The following HCN4 variants were observed in gnomAD, a reference collection of about 807,000 sequenced individuals.
HCN4 encodes the protein hyperpolarization activated cyclic nucleotide gated potassium channel 4.
HCN4 carries 29 observed loss-of-function variants against 76.9 expected under a neutral mutation model. The observed-to-expected ratio is 0.38, with a 90% CI of 0.28 to 0.51. The LOEUF (loss-of-function observed/expected upper bound fraction) is 0.51, where lower values mean the gene tolerates loss of function less well. Among genes scored for constraint, HCN4 ranks in the 20% least tolerant of loss-of-function variants. HCN4 has a pLI of 0.90. For missense variants in HCN4, 1,416 were observed against 1,715.2 expected (o/e 0.83, Z 3.08); for synonymous variants, 772 against 762.5 (o/e 1.01, Z -0.21).
chr15:73,329,215 G>A (rs926729725), intron 4 of HCN4, among the ~76,000 whole-genome samples: 2 of 152,162 alleles, frequency 1.3e-5, no homozygotes, highest in African/African-American at 2.4e-5. Flanking sequence ...GAGCAACACC[G>A]CGAGAGTGCG....
intron 1 of HCN4, among the ~76,000 whole-genome samples, chr15:73,353,594 C>T (rs1252794341): frequency 6.6e-6 from 1 of 152,192 alleles, no homozygotes; most frequent in East Asian, 1.9e-4. Context: ...CTATTACTCC[C>T]CCTCCACACC....
intron 1 of HCN4, among the ~76,000 whole-genome samples, chr15:73,361,443 T>C (rs2043104366): frequency 6.6e-6 from 1 of 152,206 alleles, no homozygotes; most frequent in Non-Finnish European, 1.5e-5. Flanking sequence ...CTGGGAAACG[T>C]GAATTCTTCA....
chr15:73,322,556 A>AG lies in HCN4; in HGVS notation c.3536dup (p.Leu1180SerfsTer14), dbSNP rs1416588482. On this transcript the variant is annotated frameshift_variant, in exon 8 of 8. Transcript: ENST00000261917. LOFTEE classifies it high-confidence loss of function. ...GTTCCCTCTGGGGTCCAGCAGTCAG[A>AG]GGGGGCCCCCCAGAAGAGGTGGCTC... 1.2e-6 allele frequency: 2 copies of AG among 1,607,502 alleles called. No individual in the cohort carries two copies. The highest frequency in any genetic ancestry group is 1.7e-6 in the Non-Finnish European group (2 of 1,177,282).
chr15:73,358,185 G>C (rs1163144589), intron 1 of HCN4, among the ~76,000 whole-genome samples: 2 of 152,164 alleles, frequency 1.3e-5, no homozygotes, highest in Non-Finnish European at 2.9e-5. Context: ...CAGGGCTCTG[G>C]GGCGGGCCGG....
intron 2 of HCN4, among the ~76,000 whole-genome samples, chr15:73,341,735 T>A (rs1268284111): frequency 6.6e-6 from 1 of 151,918 alleles, no homozygotes; most frequent in African/African-American, 2.4e-5. Flanking sequence ...CTTGGGAGAG[T>A]CACGGCCCCT....
Position 73,330,113 on chromosome 15 carries a change from A to G in HCN4, c.1372-322T>C, listed in dbSNP as rs143518929. On this transcript the variant is annotated intron_variant, in intron 3 of 7. Transcript: ENST00000261917. Reference sequence around the variant, plus strand: ...GGTAGCAAAGGCCCCGGGCTGAGCCACCGTGCTGTCCTTCCCTTGCTAAAA... The same window carrying G: ...GGTAGCAAAGGCCCCGGGCTGAGCCGCCGTGCTGTCCTTCCCTTGCTAAAA... Among the ~76,000 whole-genome samples the G allele has an allele frequency of 9.0e-3, 1,370 of 152,288 alleles. 25 individuals carry two copies. Among genetic ancestry groups the G allele is most frequent in the African/African-American group, 0.031 (1,304 of 41,562 alleles).
At chr15:73,346,978 C>T (rs1346687095) in intron 1 of HCN4, among the ~76,000 whole-genome samples, 3 of 152,208 alleles carry the variant, frequency 2.0e-5, no homozygotes, top group African/African-American at 4.8e-5. Context: ...GTGGCAACAG[C>T]TTCTACACTG....
intron 1 of HCN4, among the ~76,000 whole-genome samples, chr15:73,350,621 C>T (rs1567791099): frequency 1.3e-5 from 2 of 152,276 alleles, no homozygotes. Context: ...AAAGCAAAGC[C>T]GCCAGTGTCC....
rs1036928312 is a variant in HCN4, at chr15:73,321,863, G to C, written c.*618C>G. 12 of 157,666 alleles carry C rather than the reference G, an allele frequency of 7.6e-5. No homozygotes were observed. Among genetic ancestry groups the C allele is most frequent in the African/African-American group, 2.9e-4 (12 of 41,466 alleles). The allele number at this position is 157,666 out of a possible 1,614,324, so 9.8% of individuals were successfully genotyped here. Reference sequence around the variant, plus strand: ...ACCGCACACGTGTGCGCACATGTGAGTGGCTATCTACATGGCTCTACAGAG... The same window carrying C: ...ACCGCACACGTGTGCGCACATGTGACTGGCTATCTACATGGCTCTACAGAG... On this transcript the variant is annotated 3_prime_UTR_variant, in exon 8 of 8. Transcript: ENST00000261917.
chr15:73,323,578 A>C lies in HCN4; in HGVS notation c.2515T>G (p.Ser839Ala). ...GACGGGCTGCTGGCGGGCGAGGCGG[A>C]GCCCAGCGCAGAAGGGATCAGGGAC... ...LQSLIPSALG[S>A]ASPASSPSQV... Residue 839 changes from serine to alanine, a missense_variant, in exon 8 of 8, where the codon TCC (serine) becomes GCC (alanine). Physicochemically the swap from Ser to Ala is moderately conservative, Grantham distance 99. Transcript: ENST00000261917. 6.2e-7 allele frequency: 1 copy of C among 1,600,878 alleles called. No homozygotes were observed. Among genetic ancestry groups the C allele is most frequent in the African/African-American group, 1.3e-5 (1 of 75,038 alleles).
intron 4 of HCN4, among the ~76,000 whole-genome samples, chr15:73,327,584 A>T (rs1016473190): frequency 1.4e-4 from 22 of 151,938 alleles, no homozygotes; most frequent in African/African-American, 5.1e-4. Context: ...CCCCAGTCAC[A>T]GGCTGGGTCC....
intron 1 of HCN4, among the ~76,000 whole-genome samples, chr15:73,345,771 T>A (rs1009749933): frequency 4.6e-5 from 7 of 152,138 alleles, no homozygotes; most frequent in African/African-American, 1.7e-4. Context: ...AAAACAAATT[T>A]TTTAACTGTG....
chr15:73,362,764 C>T (rs1325594057), intron 1 of HCN4, among the ~76,000 whole-genome samples: 1 of 152,212 alleles, frequency 6.6e-6, no homozygotes, highest in East Asian at 1.9e-4. Context: ...AAGCTCACAG[C>T]AGCTAAGGGA....
chr15:73,347,238 G>C (rs571898142), intron 1 of HCN4, among the ~76,000 whole-genome samples: 2 of 152,134 alleles, frequency 1.3e-5, no homozygotes, highest in East Asian at 3.9e-4. Context: ...GAGGCTGACA[G>C]AGAAGTGTCT....
At chr15:73,324,649 C>T (rs940015676) in intron 6 of HCN4, among the ~76,000 whole-genome samples, 2 of 152,148 alleles carry the variant, frequency 1.3e-5, no homozygotes, top group African/African-American at 4.8e-5. Flanking sequence ...GAGGACACAG[C>T]GAGAAGTCAG....
intron 2 of HCN4, among the ~76,000 whole-genome samples, chr15:73,334,062 G>A (rs907739758): frequency 3.9e-5 from 6 of 152,222 alleles, no homozygotes; most frequent in African/African-American, 1.4e-4. Context: ...CACACAGCAA[G>A]CTGGGTCCTA....
rs186722050 is a variant in HCN4 at position 73,347,885 on chromosome 15, C to T, written c.786-4077G>A. ...ACAGGAGTCCTGGCCAGCAAGACAC[C>T]AACTGGGCTCTGGGAGCCCCAGCAG... On this transcript the variant is annotated intron_variant, in intron 1 of 7. Transcript: ENST00000261917. Among the ~76,000 whole-genome samples, 742 of 152,284 alleles carry T rather than the reference C, an allele frequency of 4.9e-3. 23 individuals are homozygous for T. Among genetic ancestry groups the T allele is most frequent in the Admixed American group, 0.044 (671 of 15,294 alleles).
Position 73,323,593 on chromosome 15 carries a change from G to T in HCN4, c.2500C>A (p.Pro834Thr), listed in dbSNP as rs779148704. The T allele has an allele frequency of 3.1e-6, 5 of 1,601,662 alleles. No individual in the cohort carries two copies. Among genetic ancestry groups the T allele is most frequent in the Non-Finnish European group, 4.2e-6 (5 of 1,179,680 alleles). ...RHLKRLQSLI[P>T]SALGSASPAS... is the part of the protein sequence containing the mutation. ...GGCGAGGCGGAGCCCAGCGCAGAAG[G>T]GATCAGGGACTGCAGCCGTTTCAGG... is the stretch of plus-strand genomic sequence containing the variant. Residue 834 changes from proline (P) to threonine (T), a missense_variant, in exon 8 of 8, where the codon CCT becomes ACT. Physicochemically the swap from Pro to Thr is conservative, Grantham distance 38. Coordinates refer to ENST00000261917, the MANE Select transcript of HCN4 (RefSeq NM_005477.3).
chr15:73,346,693 T>C (rs1318599353), intron 1 of HCN4, among the ~76,000 whole-genome samples: 1 of 152,080 alleles, frequency 6.6e-6, no homozygotes. Flanking sequence ...ACCATCCCTA[T>C]GAGCCCAGGT....
Sources: allele counts gnomAD v4.1 joint callset (sites outside exome capture counted in the v4.1 genomes callset), GRCh38; gene constraint gnomAD v4.1.1; transcripts MANE v1.5; gene names NCBI Gene and HGNC (gene_info 2026-07-23, HGNC 2026-07-21).